Variants in GRIA4 observed in about 807,000 individuals in gnomAD.
The protein encoded by GRIA4 is glutamate ionotropic receptor AMPA type subunit 4, also known as glutamate receptor 4.
GRIA4 carries 34 observed loss-of-function variants against 104.0 expected under a neutral mutation model. The ratio of observed to expected loss-of-function variants is 0.33; its 90% CI spans 0.25 to 0.44. The LOEUF is 0.44. Ranked by LOEUF, GRIA4 falls within the 20% of genes least tolerant of loss-of-function variation. The pLI is 1.00. For synonymous variants in GRIA4, 386 were observed against 381.9 expected (o/e 1.01, Z -0.13); for missense variants, 750 against 1,096.5 (o/e 0.68, Z 4.46).
At chr11:105,765,585 T>C (rs1479686083) in intron 4 of GRIA4, among the ~76,000 whole-genome samples, 14 of 152,224 alleles carry the variant, frequency 9.2e-5, no homozygotes, top group Non-Finnish European at 1.6e-4. Context: ...AGTTTATCAG[T>C]AAACTTCAAA....
At chr11:105,875,595 G>A (rs899142740) in intron 5 of GRIA4, among the ~76,000 whole-genome samples, 1 of 152,122 alleles carries the variant, frequency 6.6e-6, no homozygotes, top group Non-Finnish European at 1.5e-5. Flanking sequence ...TTCAGAACTT[G>A]TTATTGGTCT....
intron 4 of GRIA4, among the ~76,000 whole-genome samples, chr11:105,754,345 T>G (rs1348860992): frequency 1.3e-5 from 2 of 152,212 alleles, no homozygotes; most frequent in Non-Finnish European, 2.9e-5. Flanking sequence ...GTTACTTTAC[T>G]TCAAAGGCAA....
intron 3 of GRIA4, among the ~76,000 whole-genome samples, chr11:105,712,714 T>C (rs1055930696): frequency 9.5e-5 from 10 of 105,440 alleles, no homozygotes; most frequent in African/African-American, 3.1e-4. Flanking sequence ...TTGCTTTGTT[T>C]TTGTTTTTTT....
At chr11:105,934,853 G>C (rs1347599955) in intron 14 of GRIA4, among the ~76,000 whole-genome samples, 1 of 152,096 alleles carries the variant, frequency 6.6e-6, no homozygotes, top group Non-Finnish European at 1.5e-5. Flanking sequence ...CATCAAAAGT[G>C]ATGATCGACA....
At chr11:105,684,379 T>C (rs573599181) in intron 3 of GRIA4, among the ~76,000 whole-genome samples, 2 of 152,116 alleles carry the variant, frequency 1.3e-5, no homozygotes, top group East Asian at 3.9e-4. Context: ...AATTCCAATG[T>C]TCTGTATGTC....
intron 3 of GRIA4, among the ~76,000 whole-genome samples, chr11:105,734,106 T>C (rs986151897): frequency 6.7e-6 from 1 of 149,132 alleles, no homozygotes; most frequent in African/African-American, 2.5e-5. Context: ...TAAAATATCT[T>C]GCCCATGGCC....
At chr11:105,891,476 T>G (rs997171783) in intron 6 of GRIA4, among the ~76,000 whole-genome samples, 1 of 152,158 alleles carries the variant, frequency 6.6e-6, no homozygotes, top group African/African-American at 2.4e-5. Context: ...TTTAAGATTT[T>G]ATCCCTACTT....
At chr11:105,876,639 T>G (rs972806211) in intron 5 of GRIA4, among the ~76,000 whole-genome samples, 1 of 152,212 alleles carries the variant, frequency 6.6e-6, no homozygotes, top group Non-Finnish European at 1.5e-5. Context: ...TAGCTCTTCT[T>G]GTTGCATTGA....
intron 14 of GRIA4, among the ~76,000 whole-genome samples, chr11:105,938,975 T>G (rs952335900): frequency 1.3e-5 from 2 of 152,174 alleles, no homozygotes; most frequent in Non-Finnish European, 2.9e-5. Flanking sequence ...TTCATTTAAA[T>G]CCTTCCTATT....
intron 3 of GRIA4, among the ~76,000 whole-genome samples, chr11:105,640,498 T>G (rs903655564): frequency 1.8e-4 from 27 of 152,064 alleles, no homozygotes; most frequent in Non-Finnish European, 3.5e-4. Context: ...TATATTGTTC[T>G]ATTCCAGATT....
rs188068892 is a variant in GRIA4, at chr11:105,945,473, G to A, written c.2294+11504G>A. ...GTATTTCTCCCCTAGGAGGAGGACA[G>A]AGGAGAACTAACCAGCTCCAGGACC... is the stretch of plus-strand genomic sequence containing the variant. On this transcript the variant is annotated intron_variant, in intron 14 of 16. Coordinates refer to ENST00000282499, the MANE Select transcript of GRIA4 (RefSeq NM_000829.4). 1.3e-4 allele frequency: 122 copies of A among 952,468 alleles called. No individual in the cohort carries two copies. In the African/African-American group the frequency reaches 1.8e-3, roughly 14 times the overall value. The allele number at this position is 952,468 out of a possible 1,614,324, so 59.0% of individuals were successfully genotyped here.
intron 4 of GRIA4, among the ~76,000 whole-genome samples, chr11:105,821,048 C>T (rs1375406549): frequency 6.6e-6 from 1 of 152,096 alleles, no homozygotes; most frequent in African/African-American, 2.4e-5. Context: ...CTCTCTTCCT[C>T]ACTCTCATAC....
At chr11:105,694,708 G>A in intron 3 of GRIA4, among the ~76,000 whole-genome samples, 1 of 151,770 alleles carries the variant, frequency 6.6e-6, no homozygotes, top group East Asian at 1.9e-4. Context: ...TATTTACGTG[G>A]TTCCAAACAT....
rs1008311180 is a variant in GRIA4, at chr11:105,973,850, G to A, written c.2410-460G>A. Among the ~76,000 whole-genome samples the A allele has an allele frequency of 2.6e-5, 4 of 152,036 alleles. 1 individual carries two copies. The highest frequency in any genetic ancestry group is 4.1e-4 in the South Asian group (2 of 4,824). ...CCTTAGTTGCTCAACTAGGAAATGC[G>A]GAGTTGGATTTATTCAAGAGAAATC... On this transcript the variant is annotated intron_variant, in intron 15 of 16. Transcript: ENST00000282499.
intron 3 of GRIA4, 92 bp from the exon 4 acceptor site, chr11:105,752,889 T>A (rs1940086414): frequency 2.0e-5 from 24 of 1,193,840 alleles, no homozygotes; most frequent in Non-Finnish European, 2.9e-5. Context: ...GATTCAGTGA[T>A]TTTTATTTTT....
At chr11:105,883,719 T>C (rs1946151562) in intron 5 of GRIA4, among the ~76,000 whole-genome samples, 1 of 152,190 alleles carries the variant, frequency 6.6e-6, no homozygotes, top group Non-Finnish European at 1.5e-5. Flanking sequence ...CTATTGTGAA[T>C]AGTGCTGCAA....
intron 3 of GRIA4, among the ~76,000 whole-genome samples, chr11:105,734,035 T>A (rs1407702326): frequency 6.8e-6 from 1 of 147,118 alleles, no homozygotes; most frequent in Non-Finnish European, 1.5e-5. Context: ...CATATATATG[T>A]ATATTATATA....
Position 105,925,368 on chromosome 11 carries a change from C to A in GRIA4, c.1847+599C>A, listed in dbSNP as rs150745823. 9.1e-3 allele frequency among the ~76,000 whole-genome samples: 1,379 copies of A among 152,200 alleles called. 13 individuals are homozygous for A. Among genetic ancestry groups the A allele is most frequent in the Middle Eastern group, 0.017 (5 of 294 alleles). On this transcript the variant is annotated intron_variant, in intron 12 of 16. Coordinates refer to ENST00000282499, the MANE Select transcript of GRIA4 (RefSeq NM_000829.4). The stretch of plus-strand genomic sequence containing the variant: ...TATCTGTGGAGTCATGGCTCCCTTC[C>A]TTTGGATACCACTAAGATATCATTT...
At chr11:105,851,160 T>G (rs895532526) in intron 4 of GRIA4, among the ~76,000 whole-genome samples, 1 of 152,156 alleles carries the variant, frequency 6.6e-6, no homozygotes, top group Non-Finnish European at 1.5e-5. Context: ...TACTATTACC[T>G]TTATTATTAT....
Sources: allele counts gnomAD v4.1 joint callset (sites outside exome capture counted in the v4.1 genomes callset), GRCh38; gene constraint gnomAD v4.1.1; transcripts MANE v1.5; gene names NCBI Gene and HGNC (gene_info 2026-07-23, HGNC 2026-07-21).